The following PHLPP1 variants were observed in gnomAD, a reference collection of about 807,000 sequenced individuals.
PHLPP1 encodes PH domain leucine-rich repeat-containing protein phosphatase 1.
PHLPP1 carries 42 observed loss-of-function variants against 117.2 expected under a neutral mutation model. That is an observed-to-expected ratio of 0.36 (90% CI 0.28 to 0.46). The LOEUF is 0.46. Ranked by LOEUF, PHLPP1 falls within the 20% of genes least tolerant of loss-of-function variation. PHLPP1 has a pLI of 1.00. For synonymous variants in PHLPP1, 1,042 were observed against 970.7 expected, an observed-to-expected ratio of 1.07 and a Z score of -1.37; for missense variants, 2,084 against 2,241.9, an observed-to-expected ratio of 0.93 and a Z score of 1.42.
chr18:62,748,564 ATTC>A (rs1481254863), intron 1 of PHLPP1, among the ~76,000 whole-genome samples: 6 of 152,080 alleles, frequency 3.9e-5, no homozygotes, highest in South Asian at 2.1e-4. Flanking sequence ...GAATAGTTAT[ATTC>A]TTCTTGTTGG....
intron 13 of PHLPP1, among the ~76,000 whole-genome samples, chr18:62,961,727 GA>G (rs1205347228): frequency 1.3e-5 from 2 of 151,744 alleles, no homozygotes; most frequent in East Asian, 3.9e-4. Flanking sequence ...TGAAAACTTT[GA>G]AAAAAAGATT....
At chr18:62,736,137 G>A (rs1387918478) in intron 1 of PHLPP1, among the ~76,000 whole-genome samples, 1 of 152,080 alleles carries the variant, frequency 6.6e-6, no homozygotes, top group Admixed American at 6.6e-5. Context: ...CCTGATTGAT[G>A]GTTAGCTGGC....
Position 62,941,927 on chromosome 18 carries a change from C to T in PHLPP1, c.3161+9C>T. On this transcript the variant is annotated intron_variant, in intron 11 of 16. Coordinates refer to ENST00000262719, the MANE Select transcript of PHLPP1 (RefSeq NM_194449.4). ...CAGAGTTTTCCAGCAAGGTAAAGGA[C>T]AGTTGTAAAGCTGCGTTCTGAATTG... The T allele has an allele frequency of 6.2e-7, 1 of 1,606,850 alleles. No homozygotes were observed. Among genetic ancestry groups the T allele is most frequent in the Non-Finnish European group, 8.5e-7 (1 of 1,173,852 alleles).
intron 3 of PHLPP1, among the ~76,000 whole-genome samples, chr18:62,855,135 T>C (rs1474353771): frequency 1.3e-5 from 2 of 152,228 alleles, no homozygotes; most frequent in African/African-American, 4.8e-5. Context: ...TCTTAAGCTC[T>C]TGGAAGAGTG....
At chr18:62,866,889 C>G (rs1294831124) in intron 4 of PHLPP1, among the ~76,000 whole-genome samples, 1 of 152,142 alleles carries the variant, frequency 6.6e-6, no homozygotes, top group Non-Finnish European at 1.5e-5. Flanking sequence ...CCCTCTCTCC[C>G]CAGCTGTTAT....
chr18:62,883,726 T>G (rs1416462753), intron 4 of PHLPP1, among the ~76,000 whole-genome samples: 1 of 152,184 alleles, frequency 6.6e-6, no homozygotes, highest in East Asian at 1.9e-4. Flanking sequence ...AGGACAATTG[T>G]GTTTTCAGAT....
At chr18:62,976,081 A>C (rs565064346) in intron 16 of PHLPP1, among the ~76,000 whole-genome samples, 1 of 152,346 alleles carries the variant, frequency 6.6e-6, no homozygotes, top group Non-Finnish European at 1.5e-5. Context: ...CGTCTATGTA[A>C]GTGTACTAGT....
At chr18:62,972,374 T>A in intron 14 of PHLPP1, 140 bp from the exon 15 acceptor site, 1 of 638,636 alleles carries the variant, frequency 1.6e-6, no homozygotes, top group Non-Finnish European at 2.6e-6. Flanking sequence ...TTAGCTGGAG[T>A]CAGTTTACCT....
intron 4 of PHLPP1, among the ~76,000 whole-genome samples, chr18:62,883,343 A>C (rs1260375067): frequency 1.3e-5 from 2 of 152,240 alleles, no homozygotes; most frequent in Non-Finnish European, 2.9e-5. Flanking sequence ...GGTGGTATTC[A>C]GGGAATGCCT....
rs1332851444 is a variant in PHLPP1 at position 62,941,701 on chromosome 18, G to A, written c.2961-17G>A. 1 of 1,595,770 alleles carries A rather than the reference G, an allele frequency of 6.3e-7. No individual in the cohort carries two copies. The highest frequency in any genetic ancestry group is 8.6e-7 in the Non-Finnish European group (1 of 1,166,708). ...TGTGACTTTTCAATGGCATTTTGTT[G>A]CGTTTTGTCATTGTAGCCTGAGATT... On this transcript the variant is annotated splice_polypyrimidine_tract_variant and intron_variant, in intron 10 of 16. Coordinates refer to ENST00000262719, the MANE Select transcript of PHLPP1 (RefSeq NM_194449.4).
intron 14 of PHLPP1, among the ~76,000 whole-genome samples, chr18:62,969,643 A>T (rs1237200644): frequency 6.6e-6 from 1 of 152,210 alleles, no homozygotes; most frequent in African/African-American, 2.4e-5. Flanking sequence ...TGCTTCATAC[A>T]TCTTGAAGCT....
intron 4 of PHLPP1, among the ~76,000 whole-genome samples, chr18:62,874,686 C>T (rs1158893444): frequency 6.6e-6 from 1 of 151,194 alleles, no homozygotes; most frequent in African/African-American, 2.5e-5. Flanking sequence ...CACACACACA[C>T]ACACACTCTC....
chr18:62,722,947 G>C (rs949201155), intron 1 of PHLPP1, among the ~76,000 whole-genome samples: 1 of 152,174 alleles, frequency 6.6e-6, no homozygotes, highest in Non-Finnish European at 1.5e-5. Context: ...TTTGACTTTA[G>C]AGTTGGAATG....
rs765239759 is a variant in PHLPP1, at chr18:62,830,221, T to A, written c.1763T>A (p.Ile588Asn). The A allele has an allele frequency of 1.2e-5, 19 of 1,555,124 alleles. No individual in the cohort carries two copies. The highest frequency in any genetic ancestry group is 1.7e-5 in the Non-Finnish European group (19 of 1,148,604). The change falls in exon 2 of 17, where the codon ATT becomes AAT. Residue 588 changes from isoleucine (I) to asparagine (N), a missense_variant. Around this residue, in one of 2 missense-constraint regions of PHLPP1, gnomAD observed 1,365 missense variants for 1,605.9 expected, o/e 0.85. Coordinates refer to ENST00000262719, the MANE Select transcript of PHLPP1 (RefSeq NM_194449.4). ...GGAAAGATGCATGTTCTGCCACTAA[T>A]TGGTGGAAAAGTAAGTTTGTTTGTT... The part of the protein sequence containing the change: ...LTGKMHVLPL[I>N]GGKVEEVKKH...
rs1187277547 is a variant in PHLPP1, at chr18:62,716,882, C to T, written c.1199C>T (p.Pro400Leu). The change falls in exon 1 of 17, where the codon CCC becomes CTC. Residue 400 changes from proline (P) to leucine (L), a missense_variant. By Grantham distance (98) the Pro-to-Leu change is moderately conservative. This residue lies in a region of PHLPP1 where 719 missense variants were observed against 636.0 expected (regional missense o/e 1.13). Transcript: ENST00000262719. This position sits in a 1 kb window ranked among gnomAD's most constrained non-coding sequence, Gnocchi z 5.7. The stretch of plus-strand genomic sequence containing the variant: ...GGCCAGCCCCGCCGTCCCGGCCACC[C>T]CGCGCAGCCCCTCCCGCTTCCCCAG... The part of the protein sequence containing the change: ...VPGQPRRPGH[P>L]AQPLPLPQTA... The T allele has an allele frequency of 6.6e-7, 1 of 1,525,698 alleles. No homozygotes were observed. Among genetic ancestry groups the T allele is most frequent in the Non-Finnish European group, 8.8e-7 (1 of 1,142,436 alleles). The allele number at this position is 1,525,698 out of a possible 1,614,324, so 94.5% of individuals were successfully genotyped here.
intron 15 of PHLPP1, among the ~76,000 whole-genome samples, chr18:62,974,848 G>A (rs779556157): frequency 5.9e-5 from 9 of 152,160 alleles, no homozygotes; most frequent in East Asian, 1.9e-4. Flanking sequence ...ATATAGGGCA[G>A]GAACATGAAC....
chr18:62,776,644 C>T (rs1397206369), intron 1 of PHLPP1, among the ~76,000 whole-genome samples: 1 of 148,062 alleles, frequency 6.8e-6, no homozygotes, highest in Non-Finnish European at 1.5e-5. Flanking sequence ...GAGTCTCACT[C>T]TGTGGCCCAG....
intron 3 of PHLPP1, among the ~76,000 whole-genome samples, chr18:62,842,022 G>GAAT (rs895137863): frequency 1.3e-5 from 2 of 151,882 alleles, no homozygotes; most frequent in Non-Finnish European, 2.9e-5. Context: ...CTAATAAGGG[G>GAAT]AATAATAATA....
At chr18:62,957,262 A>G (rs1910637544) in intron 12 of PHLPP1, among the ~76,000 whole-genome samples, 1 of 152,202 alleles carries the variant, frequency 6.6e-6, no homozygotes, top group African/African-American at 2.4e-5. Context: ...CTCTTTTTAC[A>G]GTACACCTTA....
Sources: gnomAD v4.1 joint callset for allele counts (sites outside exome capture counted in the v4.1 genomes callset) on GRCh38, gnomAD v4.1.1 for gene constraint, gnomAD v4.1.1 regional missense constraint, Gnocchi (gnomAD v3.1) non-coding constraint, MANE v1.5 for transcripts, NCBI Gene and HGNC (gene_info 2026-07-23, HGNC 2026-07-21) for gene names.